The following TDRD15 variants were observed in gnomAD, a reference collection of about 807,000 sequenced individuals.
TDRD15 encodes the protein tudor domain-containing protein 15.
For synonymous variants in TDRD15, 503 were observed against 314.5 expected (o/e 1.60, Z -6.34); for missense variants, 1,416 against 904.7 (o/e 1.57, Z -7.25).
intron 3 of TDRD15, among the ~76,000 whole-genome samples, chr2:21,136,793 G>T (rs1370198460): frequency 6.6e-6 from 1 of 151,874 alleles, no homozygotes; most frequent in East Asian, 1.9e-4. Context: ...TCCACTTATT[G>T]TGGCCAGTCA....
rs1289064359 is a variant in TDRD15, at chr2:21,140,920, C to G, written c.3453C>G (p.Cys1151Trp). Residue 1151 changes from cysteine to tryptophan, a missense_variant, in exon 4 of 4, where the codon TGC becomes TGG. Coordinates refer to ENST00000405799, the MANE Select transcript of TDRD15 (RefSeq NM_001306137.2). ...AYGKRHCDQA[C>W]CMEKSNKINE... ...GAAAAAGACATTGTGACCAAGCATG[C>G]TGCATGGAAAAGAGTAATAAAATAA... 2.8e-6 allele frequency: 2 copies of G among 708,128 alleles called. No individual in the cohort carries two copies. The highest frequency in any genetic ancestry group is 4.2e-5 in the Admixed American group (2 of 48,060). The allele number at this position is 708,128 out of a possible 1,614,324, so 43.9% of individuals were successfully genotyped here. A position where few individuals can be genotyped will look rare whatever the true frequency, so the allele number is the denominator to read the frequency against.
chr2:21,146,357 A>G (rs1666028901), downstream of TDRD15, among the ~76,000 whole-genome samples: 1 of 152,048 alleles, frequency 6.6e-6, no homozygotes, highest in South Asian at 2.1e-4. Context: ...ACATTTAGAA[A>G]ATTGGCTTAA....
chr2:21,142,587 T>C lies in TDRD15; in HGVS notation c.5120T>C (p.Val1707Ala), dbSNP rs1665957586. The C allele has an allele frequency of 2.8e-6, 2 of 711,038 alleles. No homozygotes were observed. Among genetic ancestry groups the C allele is most frequent in the African/African-American group, 3.5e-5 (2 of 56,950 alleles). 44.0% of individuals were successfully genotyped at this position (711,038 alleles called of 1,614,324 possible). A position where few individuals can be genotyped will look rare whatever the true frequency, so the allele number is the denominator to read the frequency against. Residue 1707 changes from valine to alanine, a missense_variant, in exon 4 of 4, where the codon GTT becomes GCT. By Grantham distance (64) the Val-to-Ala change is moderately conservative. Coordinates refer to ENST00000405799, the MANE Select transcript of TDRD15 (RefSeq NM_001306137.2). Reference protein sequence around the residue: ...EENKLRLAEIVYNIESKTPVS... With the variant: ...EENKLRLAEIAYNIESKTPVS... Reference sequence around the variant, plus strand: ...AACAAACTTAGACTTGCAGAAATTGTTTACAACATTGAATCTAAGACTCCT... The same window carrying C: ...AACAAACTTAGACTTGCAGAAATTGCTTACAACATTGAATCTAAGACTCCT...
In TDRD15 at chr2:21,143,005, T is replaced by C. The variant is rs1572303698; in HGVS notation, c.5538T>C (p.Tyr1846=). The C allele has an allele frequency of 1.4e-6, 1 of 701,164 alleles. No homozygotes were observed. The highest frequency in any genetic ancestry group is 2.2e-5 in the Admixed American group (1 of 46,264). 43.4% of individuals were successfully genotyped at this position (701,164 alleles called of 1,614,324 possible). A position where few individuals can be genotyped will look rare whatever the true frequency, so the allele number is the denominator to read the frequency against. The change falls in exon 4 of 4, where the codon TAT becomes TAC. Residue 1846 remains tyrosine, a synonymous_variant. Transcript: ENST00000405799. The part of the protein sequence containing the change: ...EELLNLPRLS[Y]PCILYGILPA... ...TTTTGAATTTGCCAAGGCTGAGTTATCCATGTATTTTATATGGTATCTTAC... is the reference window on the plus strand; with the variant it reads ...TTTTGAATTTGCCAAGGCTGAGTTACCCATGTATTTTATATGGTATCTTAC...
rs538775063 is a variant in TDRD15 at position 21,139,845 on chromosome 2, A to G, written c.2378A>G (p.Tyr793Cys). 2.2e-5 allele frequency: 16 copies of G among 715,732 alleles called. No homozygotes were observed. The highest frequency in any genetic ancestry group is 1.8e-4 in the South Asian group (12 of 67,524). The allele number at this position is 715,732 out of a possible 1,614,324, so 44.3% of individuals were successfully genotyped here. A position where few individuals can be genotyped will look rare whatever the true frequency, so the allele number is the denominator to read the frequency against. Residue 793 changes from tyrosine to cysteine, a missense_variant, in exon 4 of 4, where the codon TAT (tyrosine) becomes TGT (cysteine). By Grantham distance (194) the Tyr-to-Cys change is radical. Coordinates refer to ENST00000405799, the MANE Select transcript of TDRD15 (RefSeq NM_001306137.2). The stretch of plus-strand genomic sequence containing the variant: ...CTAATGGAGCAAATTCAGAATTACT[A>G]TAGTATTCATTCTGATCCTTATGAG... ...KLLMEQIQNY[Y>C]SIHSDPYEIG...
chr2:21,146,612 G>A (rs1666034918), downstream of TDRD15, among the ~76,000 whole-genome samples: 1 of 152,010 alleles, frequency 6.6e-6, no homozygotes, highest in Admixed American at 6.6e-5. Flanking sequence ...AGAAATATCT[G>A]TTCATTCTTT....
intron 3 of TDRD15, among the ~76,000 whole-genome samples, chr2:21,135,142 T>G (rs952625420): frequency 1.4e-5 from 2 of 146,196 alleles, no homozygotes; most frequent in African/African-American, 4.9e-5. Flanking sequence ...TATTATATAT[T>G]TATATAATAT....
In TDRD15 at chr2:21,139,190, C is replaced by T. The variant is rs1022711321; in HGVS notation, c.1723C>T (p.Pro575Ser). Residue 575 changes from proline (P) to serine (S), a missense_variant, in exon 4 of 4, where the codon CCA becomes TCA. Pro to Ser is a moderately conservative substitution (Grantham distance 74, BLOSUM62 -1). Transcript: ENST00000405799. ...GGATTATGGTAATACTGATTCCATA[C>T]CATTTTTTGATGTAAAAATTTTGCT... ...FLDYGNTDSI[P>S]FFDVKILLPE... 2 of 714,658 alleles carry T rather than the reference C, an allele frequency of 2.8e-6. No individual in the cohort carries two copies. The highest frequency in any genetic ancestry group is 3.5e-5 in the African/African-American group (2 of 57,054). The allele number at this position is 714,658 out of a possible 1,614,324, so 44.3% of individuals were successfully genotyped here.
intron 3 of TDRD15, among the ~76,000 whole-genome samples, chr2:21,136,495 G>T (rs1183229415): frequency 1.3e-5 from 2 of 151,894 alleles, no homozygotes; most frequent in Admixed American, 6.6e-5. Flanking sequence ...TATTTCTATG[G>T]AGTAGCATTT....
chr2:21,145,373 G>A (rs58411268), downstream of TDRD15, among the ~76,000 whole-genome samples: 537 of 151,964 alleles, frequency 3.5e-3, 13 homozygotes, highest in East Asian at 0.073. Flanking sequence ...CATACATTTT[G>A]GCTCTTAGGT....
chr2:21,138,880 T>C lies in TDRD15; in HGVS notation c.1413T>C (p.Phe471=). The change falls in exon 4 of 4, where the codon TTT becomes TTC. Residue 471 remains phenylalanine (F), a synonymous_variant. Coordinates refer to ENST00000405799, the MANE Select transcript of TDRD15 (RefSeq NM_001306137.2). ...LNKKGILKVG[F]PIKTVQMEIE... ...AAAAAGGCATTTTAAAAGTAGGTTT[T>C]CCCATTAAAACAGTACAAATGGAGA... The C allele has an allele frequency of 1.4e-6, 1 of 715,752 alleles. No homozygotes were observed. Among genetic ancestry groups the C allele is most frequent in the Non-Finnish European group, 2.6e-6 (1 of 384,070 alleles). The allele number at this position is 715,752 out of a possible 1,614,324, so 44.3% of individuals were successfully genotyped here.
In TDRD15 at chr2:21,142,245, G is replaced by A. The variant is rs908167473; in HGVS notation, c.4778G>A (p.Arg1593Gln). The A allele has an allele frequency of 5.7e-6, 4 of 699,000 alleles. No homozygotes were observed. Among genetic ancestry groups the A allele is most frequent in the East Asian group, 2.7e-5 (1 of 37,054 alleles). 43.3% of individuals were successfully genotyped at this position (699,000 alleles called of 1,614,324 possible). Residue 1593 changes from arginine (R) to glutamine (Q), a missense_variant, in exon 4 of 4, where the codon CGA (arginine) becomes CAA (glutamine). Arg to Gln is a conservative substitution (Grantham distance 43, BLOSUM62 1). Coordinates refer to ENST00000405799, the MANE Select transcript of TDRD15 (RefSeq NM_001306137.2). ...AKSKNTLKWH[R>Q]SKVEEKYVDD... ...TCTAAAAATACCTTGAAATGGCATC[G>A]ATCAAAAGTAGAAGAAAAGTATGTT...
At position 21,142,668 on chromosome 2, in the gene TDRD15, A is replaced by T. The variant is rs147291756; in HGVS notation, c.5201A>T (p.Gln1734Leu). The part of the protein sequence containing the change: ...FTWVQFQNDR[Q>L]YSGIATAVSD... ...TGGGTTCAATTCCAAAATGATAGGC[A>T]GTATTCTGGTATTGCAACTGCTGTT... The change falls in exon 4 of 4, where the codon CAG (glutamine) becomes CTG (leucine). Residue 1734 changes from glutamine to leucine, a missense_variant. By Grantham distance (113) the Gln-to-Leu change is moderately radical. Transcript: ENST00000405799. 2.3e-3 allele frequency: 1,641 copies of T among 711,672 alleles called. 44 individuals carry two copies. The Admixed American group carries it at 0.032, about 14-fold the overall frequency. 44.1% of individuals were successfully genotyped at this position (711,672 alleles called of 1,614,324 possible).
In TDRD15 at chr2:21,141,635, A is replaced by G. The variant is rs1665935287; in HGVS notation, c.4168A>G (p.Lys1390Glu). The stretch of plus-strand genomic sequence containing the variant: ...TAACTCTGCAATAGTAAACACATCT[A>G]AAATTTACGAACTTCAGAGGGAATT... ...YGNSAIVNTS[K>E]IYELQREFLT... is the part of the protein sequence containing the mutation. The change falls in exon 4 of 4, where the codon AAA becomes GAA. Residue 1390 changes from lysine to glutamate, a missense_variant. Physicochemically the swap from Lys to Glu is moderately conservative, Grantham distance 56. Transcript: ENST00000405799. 1 of 714,304 alleles carries G rather than the reference A, an allele frequency of 1.4e-6. No individual in the cohort carries two copies. 44.2% of individuals were successfully genotyped at this position (714,304 alleles called of 1,614,324 possible).
chr2:21,135,952 A>G (rs1453628728), intron 3 of TDRD15, among the ~76,000 whole-genome samples: 1 of 152,028 alleles, frequency 6.6e-6, no homozygotes, highest in Non-Finnish European at 1.5e-5. Context: ...TGTACTGTAT[A>G]TACCACCTCT....
In TDRD15 at chr2:21,137,774, G is replaced by C. The variant is rs1432119213; in HGVS notation, c.307G>C (p.Ala103Pro). The C allele has an allele frequency of 4.2e-6, 3 of 716,646 alleles. 1 individual carries two copies. The highest frequency in any genetic ancestry group is 3.0e-5 in the South Asian group (2 of 67,566). 44.4% of individuals were successfully genotyped at this position (716,646 alleles called of 1,614,324 possible). ...LIDRGEELRVAGPQIASACGN... is the reference protein window; with the variant it reads ...LIDRGEELRVPGPQIASACGN... ...AGATCGCGGAGAAGAACTAAGAGTTGCTGGTCCACAGATTGCTTCAGCCTG... is the reference window on the plus strand; with the variant it reads ...AGATCGCGGAGAAGAACTAAGAGTTCCTGGTCCACAGATTGCTTCAGCCTG... The change falls in exon 4 of 4, where the codon GCT becomes CCT. Residue 103 changes from alanine (A) to proline (P), a missense_variant. Transcript: ENST00000405799.
chr2:21,125,021 T>G (rs1665556182), intron 1 of TDRD15, among the ~76,000 whole-genome samples: 1 of 145,802 alleles, frequency 6.9e-6, no homozygotes, highest in Non-Finnish European at 1.5e-5. Context: ...AATGTCAGGG[T>G]GTGTGTGTGA....
chr2:21,143,324 A>G lies in TDRD15; in HGVS notation c.*52A>G, dbSNP rs1665976417. 1.9e-6 allele frequency: 1 copy of G among 518,206 alleles called. No homozygotes were observed. Among genetic ancestry groups the G allele is most frequent in the Non-Finnish European group, 3.4e-6 (1 of 290,622 alleles). 32.1% of individuals were successfully genotyped at this position (518,206 alleles called of 1,614,324 possible). On this transcript the variant is annotated 3_prime_UTR_variant, in exon 4 of 4. Coordinates refer to ENST00000405799, the MANE Select transcript of TDRD15 (RefSeq NM_001306137.2). ...TGTTAGATCAAAATTGTTACAAAAA[A>G]CAAAATATAAATTTTACATACACTG...
chr2:21,132,545 GGTGGATTGTGA>G (rs1464549203), intron 2 of TDRD15, among the ~76,000 whole-genome samples: 1 of 151,988 alleles, frequency 6.6e-6, no homozygotes, highest in African/African-American at 2.4e-5. Context: ...AGAATTTCCT[GGTGGATTGTGA>G]GTGGAATGAT....
Sources: allele counts gnomAD v4.1 joint callset (sites outside exome capture counted in the v4.1 genomes callset), GRCh38; gene constraint gnomAD v4.1.1; transcripts MANE v1.5; gene names NCBI Gene and HGNC (gene_info 2026-07-23, HGNC 2026-07-21).